Variants in SLC2A14 observed in about 807,000 individuals in gnomAD.
The protein encoded by SLC2A14 is solute carrier family 2 member 14.
Under a neutral mutation model 43.0 loss-of-function variants are expected in SLC2A14, and 13 were observed. The observed-to-expected ratio is 0.30, with a 90% CI of 0.20 to 0.48. The LOEUF (loss-of-function observed/expected upper bound fraction) is 0.48, where lower values mean the gene tolerates loss of function less well. Ranked by LOEUF, SLC2A14 falls within the 20% of genes least tolerant of loss-of-function variation. The pLI, the probability that SLC2A14 is intolerant of heterozygous loss-of-function variation, is 0.99. For missense variants in SLC2A14, 428 were observed against 620.4 expected, an observed-to-expected ratio of 0.69 and a Z score of 3.29; for synonymous variants, 190 against 233.8, an observed-to-expected ratio of 0.81 and a Z score of 1.71.
chr12:7,841,161 G>A (rs1865918839), intron 2 of SLC2A14, among the ~76,000 whole-genome samples: 1 of 152,142 alleles, frequency 6.6e-6, no homozygotes, highest in African/African-American at 2.4e-5. Context: ...TAGGTTTACA[G>A]AAAAATTGAG....
chr12:7,826,873 C>CCTTCCTTCCTTCCTTCCTTT (rs1555121771), intron 7 of SLC2A14, among the ~76,000 whole-genome samples: 1 of 19,992 alleles, frequency 5.0e-5, no homozygotes, highest in African/African-American at 2.2e-4. Flanking sequence ...TTCTTTCTTT[C>CCTTCCTTCCTTCCTTCCTTT]TTTCTTTCTT....
chr12:7,832,277 T>C (rs1399645766), intron 3 of SLC2A14, among the ~76,000 whole-genome samples: 2 of 152,148 alleles, frequency 1.3e-5, no homozygotes, highest in Non-Finnish European at 2.9e-5. Flanking sequence ...GTGGCAGCAC[T>C]GATGTTCACC....
intron 2 of SLC2A14, chr12:7,839,921 CTACAAAAAAAA>C: frequency 1.4e-5 from 2 of 139,184 alleles, no homozygotes; most frequent in South Asian, 4.5e-5. Context: ...GACCCTGTCT[CTACAAAAAAAA>C]AAAAAAAAAA....
intron 2 of SLC2A14, among the ~76,000 whole-genome samples, chr12:7,843,700 T>C (rs1866200307): frequency 6.8e-6 from 1 of 146,222 alleles, no homozygotes; most frequent in Non-Finnish European, 1.5e-5. Flanking sequence ...AACCTGGCCG[T>C]CTTCCTGAAC....
At chr12:7,882,935 G>A (rs1006986536) in intron 1 of SLC2A14, among the ~76,000 whole-genome samples, 2 of 151,972 alleles carry the variant, frequency 1.3e-5, no homozygotes, top group African/African-American at 4.8e-5. Context: ...TCCTGGCTAG[G>A]TGTGGTGGCT....
chr12:7,823,993 C>T (rs932128228), intron 7 of SLC2A14, among the ~76,000 whole-genome samples: 2 of 152,138 alleles, frequency 1.3e-5, no homozygotes, highest in Non-Finnish European at 2.9e-5. Context: ...CAGTTGCTCA[C>T]GACTGTAATC....
At chr12:7,857,452 G>A (rs1262315251) in intron 2 of SLC2A14, among the ~76,000 whole-genome samples, 1 of 151,944 alleles carries the variant, frequency 6.6e-6, no homozygotes, top group African/African-American at 2.4e-5. Context: ...CCCGAGCGCA[G>A]TGGTGCACAC....
At chr12:7,837,100 G>C (rs2120825326) in intron 2 of SLC2A14, among the ~76,000 whole-genome samples, 1 of 151,286 alleles carries the variant, frequency 6.6e-6, no homozygotes, top group South Asian at 2.1e-4. Context: ...CTGGGAGGCA[G>C]AGGTTACAGT....
chr12:7,839,782 G>GGGCTTC (rs1865768016), intron 2 of SLC2A14: 1 of 451,994 alleles, frequency 2.2e-6, no homozygotes, highest in African/African-American at 2.0e-5. Flanking sequence ...CATACAGAAG[G>GGGCTTC]GGCTTCGGAG....
At position 7,831,633 on chromosome 12, in the gene SLC2A14, G is replaced by A. The variant is rs775955065; in HGVS notation, c.243C>T (p.Ser81=). 9 of 1,614,144 alleles carry A rather than the reference G, an allele frequency of 5.6e-6. No individual in the cohort carries two copies. The South Asian group carries it at 8.8e-5, about 16-fold the overall frequency. The change falls in exon 4 of 11, where the codon TCC becomes TCT. Residue 81 remains serine (S), a synonymous_variant. Transcript: ENST00000431042. ...FSVGGMIGSF[S]VGLFVNRFGR... ...CAAAGCGGTTAACAAAGAGTCCGAC[G>A]GAAAAGGAGCCGATCATACCCCCGA...
In SLC2A14 at chr12:7,862,420, C is replaced by T. The variant is rs777612792; in HGVS notation, c.18+7443G>A. ...TCTCGCCGGGCCTTAGCTGCCTTCC[C>T]ACGGGGCAGGGCTCGGGACCTGCAG... On this transcript the variant is annotated intron_variant, in intron 2 of 10. Transcript: ENST00000431042. Among the ~76,000 whole-genome samples the T allele has an allele frequency of 2.6e-5, 4 of 152,266 alleles. No homozygotes were observed. The East Asian group carries it at 7.7e-4, about 29-fold the overall frequency.
intron 7 of SLC2A14, among the ~76,000 whole-genome samples, chr12:7,821,641 A>T (rs190384588): frequency 6.6e-6 from 1 of 152,254 alleles, no homozygotes; most frequent in Non-Finnish European, 1.5e-5. Context: ...TAAAAGTCCC[A>T]GGAGGTAAGA....
At chr12:7,883,384 A>G (rs1360790967) in intron 1 of SLC2A14, among the ~76,000 whole-genome samples, 1 of 145,664 alleles carries the variant, frequency 6.9e-6, no homozygotes, top group Non-Finnish European at 1.5e-5. Context: ...CTCTTGCCTC[A>G]GTCTCCTGAG....
intron 3 of SLC2A14, among the ~76,000 whole-genome samples, chr12:7,832,237 A>G (rs1296089260): frequency 6.6e-6 from 1 of 152,154 alleles, no homozygotes; most frequent in Admixed American, 6.5e-5. Flanking sequence ...TGGAATAGTA[A>G]TTTTTCATTT....
chr12:7,884,210 G>A (rs78541433), intron 1 of SLC2A14, among the ~76,000 whole-genome samples: 4 of 152,012 alleles, frequency 2.6e-5, no homozygotes, highest in East Asian at 1.9e-4. Context: ...ATGAGCCACC[G>A]CGCCCAGCCT....
At position 7,826,873 on chromosome 12, in the gene SLC2A14, C is replaced by CTTT. The variant is rs1162316142; in HGVS notation, c.864+619_864+621dup. Among the ~76,000 whole-genome samples the CTTT allele has an allele frequency of 8.5e-4, 17 of 20,026 alleles. 3 individuals are homozygous for CTTT. The highest frequency in any genetic ancestry group is 0.018 in the Middle Eastern group (1 of 56). The allele number at this position is 20,026 out of a possible 152,430, so 13.1% of individuals were successfully genotyped here. A position where few individuals can be genotyped will look rare whatever the true frequency, so the allele number is the denominator to read the frequency against. Reference sequence around the variant, plus strand: ...TCCTTCCTTTCTTTTTTCTTTCTTTCTTTCTTTCTTTCTTTCTTTCTTTCT... The same window carrying CTTT: ...TCCTTCCTTTCTTTTTTCTTTCTTTCTTTTTTCTTTCTTTCTTTCTTTCTTTCT... On this transcript the variant is annotated intron_variant, in intron 7 of 10. Transcript: ENST00000431042.
At chr12:7,816,600 C>A (rs9738166) in intron 10 of SLC2A14, among the ~76,000 whole-genome samples, 150,877 of 151,514 alleles carry the variant, frequency 1, 75,125 homozygotes, top group Middle Eastern at 1. Flanking sequence ...ACCATGGTGC[C>A]TGCCTGTAAT....
intron 2 of SLC2A14, chr12:7,860,527 TC>T (rs1289383820): frequency 2.6e-5 from 4 of 152,000 alleles, no homozygotes; most frequent in Admixed American, 2.6e-4. Flanking sequence ...CAGCGGGAAA[TC>T]CTTGGAGAAG....
intron 2 of SLC2A14, among the ~76,000 whole-genome samples, chr12:7,837,123 C>G (rs761727153): frequency 6.7e-6 from 1 of 149,934 alleles, no homozygotes; most frequent in Admixed American, 6.7e-5. Context: ...GCCAAAATCA[C>G]GCCACTGCAC....
Sources: allele counts gnomAD v4.1 joint callset (sites outside exome capture counted in the v4.1 genomes callset), GRCh38; gene constraint gnomAD v4.1.1; transcripts MANE v1.5; gene names NCBI Gene and HGNC (gene_info 2026-07-23, HGNC 2026-07-21).